PCDHGB1: variants seen among roughly 807,000 people sequenced by gnomAD.
PCDHGB1 encodes the protein protocadherin gamma subfamily B, 1.
In PCDHGB1, 34 loss-of-function variants were observed where a neutral mutation model predicts 56.6. That is an observed-to-expected ratio of 0.60 (90% CI 0.46 to 0.80). The LOEUF is 0.80. Among genes scored for constraint, PCDHGB1 ranks in the 30% least tolerant of loss-of-function variants. The pLI, the probability that PCDHGB1 is intolerant of heterozygous loss-of-function variation, is 0.00. For synonymous variants in PCDHGB1, 561 were observed against 505.9 expected, an observed-to-expected ratio of 1.11 and a Z score of -1.46; for missense variants, 1,278 against 1,204.6, an observed-to-expected ratio of 1.06 and a Z score of -0.90.
chr5:141,470,791 A>G (rs1234712958), intron 1 of PCDHGB1, among the ~76,000 whole-genome samples: 3 of 152,152 alleles, frequency 2.0e-5, no homozygotes, highest in African/African-American at 7.2e-5. Context: ...GGGCTCAAGC[A>G]ATCCTCCCAC....
At chr5:141,355,219 C>G (rs768131751) in intron 1 of PCDHGB1, 1 of 1,605,766 alleles carries the variant, frequency 6.2e-7, no homozygotes, top group Middle Eastern at 2.0e-4. Context: ...GCCTCCTGCT[C>G]GCCCAGACCA....
chr5:141,390,173 T>C (rs1212038164), intron 1 of PCDHGB1: 1 of 1,613,616 alleles, frequency 6.2e-7, no homozygotes. Flanking sequence ...CGGAGTTTAA[T>C]TTCCTAAAAT....
At chr5:141,470,780 T>G (rs1436746772) in intron 1 of PCDHGB1, among the ~76,000 whole-genome samples, 1 of 152,194 alleles carries the variant, frequency 6.6e-6, no homozygotes, top group Non-Finnish European at 1.5e-5. Flanking sequence ...CTTGAATTCC[T>G]GGGCTCAAGC....
At chr5:141,399,796 C>T (rs62621781) in intron 1 of PCDHGB1, 21,149 of 1,613,212 alleles carry the variant, frequency 0.013, 194 homozygotes, top group Non-Finnish European at 0.015. Context: ...CAACGCACCG[C>T]GGGTGCTGTA....
At chr5:141,371,658 A>T (rs764550191) in intron 1 of PCDHGB1, 4 of 1,613,920 alleles carry the variant, frequency 2.5e-6, no homozygotes. Context: ...CAATGTGACG[A>T]TCACAGCTAC....
chr5:141,351,796 G>A lies in PCDHGB1; in HGVS notation c.1536G>A (p.Ala512=), dbSNP rs1758827149. The part of the protein sequence containing the change: ...SVSPQSGVVF[A]QRAFDHEQLR... Reference sequence around the variant, plus strand: ...GCCCGCAGAGCGGGGTGGTGTTCGCGCAGCGCGCCTTCGACCACGAGCAGC... The same window carrying A: ...GCCCGCAGAGCGGGGTGGTGTTCGCACAGCGCGCCTTCGACCACGAGCAGC... Residue 512 remains alanine (A), a synonymous_variant, in exon 1 of 4, where the codon GCG becomes GCA. Transcript: ENST00000523390. The A allele has an allele frequency of 1.9e-6, 3 of 1,613,356 alleles. No homozygotes were observed. Among genetic ancestry groups the A allele is most frequent in the Middle Eastern group, 1.7e-4 (1 of 6,034 alleles).
Position 141,477,964 on chromosome 5 carries a change from G to T in PCDHGB1, c.2410-16843G>T, listed in dbSNP as rs2099426491. On this transcript the variant is annotated intron_variant, in intron 1 of 3. Coordinates refer to ENST00000523390, the MANE Select transcript of PCDHGB1 (RefSeq NM_018922.3). The surrounding 1 kb of genome is among the most constrained non-coding windows in gnomAD (Gnocchi z 4.9). Reference sequence around the variant, plus strand: ...ACAGTCTCTTGGGATCCCCTAACCAGAGCCTTTTTGCCATAGGGCTGCACA... The same window carrying T: ...ACAGTCTCTTGGGATCCCCTAACCATAGCCTTTTTGCCATAGGGCTGCACA... 6.2e-7 allele frequency: 1 copy of T among 1,613,978 alleles called. No homozygotes were observed. The highest frequency in any genetic ancestry group is 1.1e-5 in the South Asian group (1 of 91,080).
chr5:141,366,198 C>G (rs187196267), intron 1 of PCDHGB1: 1 of 1,613,774 alleles, frequency 6.2e-7, no homozygotes, highest in Non-Finnish European at 8.5e-7. Context: ...GGGCTGCACA[C>G]GGGCGAGGTG....
In PCDHGB1 at chr5:141,404,595, T is replaced by C. The variant is rs1035989165; in HGVS notation, c.2409+51926T>C. On this transcript the variant is annotated intron_variant, in intron 1 of 3. Transcript: ENST00000523390. ...CCACCACTTAGCAGCAATGTGTCAT[T>C]GAGACTGTTTGTTTTGGACCAGAAT... is the stretch of plus-strand genomic sequence containing the variant. 44 of 1,613,678 alleles carry C rather than the reference T, an allele frequency of 2.7e-5. No homozygotes were observed. Among genetic ancestry groups the C allele is most frequent in the Non-Finnish European group, 3.6e-5 (43 of 1,179,690 alleles).
rs766765576 is a variant in PCDHGB1 at position 141,361,851 on chromosome 5, C to T, written c.2409+9182C>T. 5.6e-6 allele frequency: 9 copies of T among 1,612,474 alleles called. No homozygotes were observed. In the East Asian group the frequency reaches 1.8e-4, roughly 32 times the overall value. The stretch of plus-strand genomic sequence containing the variant: ...ACCCCGCGCTGGGGCCTGATGGCTC[C>T]GCCCTCTTCGATATGGTGCCACGCG... On this transcript the variant is annotated intron_variant, in intron 1 of 3. Coordinates refer to ENST00000523390, the MANE Select transcript of PCDHGB1 (RefSeq NM_018922.3).
chr5:141,406,258 G>A (rs895877034), intron 1 of PCDHGB1, among the ~76,000 whole-genome samples: 2 of 151,882 alleles, frequency 1.3e-5, no homozygotes, highest in African/African-American at 4.8e-5. Context: ...GGTCTCAAAC[G>A]ATCTTCCTGC....
chr5:141,420,179 T>C (rs1420076172), intron 1 of PCDHGB1: 16 of 1,614,054 alleles, frequency 9.9e-6, no homozygotes, highest in Non-Finnish European at 1.2e-5. Flanking sequence ...TGTTGATCAT[T>C]GTCCAGCCAC....
At position 141,490,208 on chromosome 5, in the gene PCDHGB1, G is replaced by A. The variant is rs745796427; in HGVS notation, c.2410-4599G>A. On this transcript the variant is annotated intron_variant, in intron 1 of 3. Coordinates refer to ENST00000523390, the MANE Select transcript of PCDHGB1 (RefSeq NM_018922.3). The surrounding 1 kb of genome is among the most constrained non-coding windows in gnomAD (Gnocchi z 5.4). ...TTCTATGAAATTCATGCAAGAGCCC[G>A]TGACCAGGGACAGCCTGCCATGGAG... 44 of 1,614,120 alleles carry A rather than the reference G, an allele frequency of 2.7e-5. No individual in the cohort carries two copies. The Admixed American group carries it at 4.5e-4, about 17-fold the overall frequency.
At chr5:141,459,735 T>A (rs114520602) in intron 1 of PCDHGB1, among the ~76,000 whole-genome samples, 1 of 152,374 alleles carries the variant, frequency 6.6e-6, no homozygotes, top group Non-Finnish European at 1.5e-5. Flanking sequence ...GTCAATTTTT[T>A]AAATTTTAGC....
chr5:141,451,237 A>G (rs1405567593), intron 1 of PCDHGB1, among the ~76,000 whole-genome samples: 1 of 152,198 alleles, frequency 6.6e-6, no homozygotes, highest in Non-Finnish European at 1.5e-5. Context: ...TTATTATCTC[A>G]TAAATTTTGT....
At chr5:141,392,744 CG>C (rs2092583694) in intron 1 of PCDHGB1, 1 of 1,439,038 alleles carries the variant, frequency 6.9e-7, no homozygotes, top group East Asian at 2.5e-5. Context: ...TCCATAGCTG[CG>C]GCAAGAAACT....
chr5:141,362,595 T>C, intron 1 of PCDHGB1: 3 of 1,586,430 alleles, frequency 1.9e-6, no homozygotes, highest in Non-Finnish European at 2.6e-6. Flanking sequence ...CTGGTTTTAT[T>C]GTTTCACCTA....
intron 1 of PCDHGB1, chr5:141,408,468 G>T: frequency 6.2e-7 from 1 of 1,614,070 alleles, no homozygotes; most frequent in Non-Finnish European, 8.5e-7. Context: ...GTGAAGAACC[G>T]AATAGACCGT....
intron 1 of PCDHGB1, chr5:141,409,838 G>A: frequency 1.2e-6 from 2 of 1,611,532 alleles, no homozygotes; most frequent in Non-Finnish European, 1.7e-6. Context: ...CAGCGCCAAC[G>A]TGAGCCTGCG....
Sources: allele counts gnomAD v4.1 joint callset (sites outside exome capture counted in the v4.1 genomes callset), GRCh38; gene constraint gnomAD v4.1.1; non-coding constraint Gnocchi (gnomAD v3.1); transcripts MANE v1.5; gene names NCBI Gene and HGNC (gene_info 2026-07-23, HGNC 2026-07-21).